The following SPATA6 variants were observed in gnomAD, a reference collection of about 807,000 sequenced individuals.
The protein encoded by SPATA6 is spermatogenesis-associated protein 6.
In SPATA6, 56 loss-of-function variants were observed where a neutral mutation model predicts 65.3. The ratio of observed to expected loss-of-function variants is 0.86; its 90% CI spans 0.69 to 1.07. The LOEUF (loss-of-function observed/expected upper bound fraction) is 1.07. SPATA6 is among the 50% of genes least tolerant of loss of function. The pLI is 0.00. For missense variants in SPATA6, 590 were observed against 594.8 expected (o/e 0.99, Z 0.08); for synonymous variants, 199 against 213.2 (o/e 0.93, Z 0.58).
intron 11 of SPATA6, chr1:48,325,351 A>C: frequency 3.0e-6 from 4 of 1,348,554 alleles, no homozygotes; most frequent in Non-Finnish European, 4.2e-6. Context: ...CCTCCCCTGA[A>C]GGCAAAGTTC....
chr1:48,364,562 G>A (rs148594315), intron 9 of SPATA6, among the ~76,000 whole-genome samples: 8,728 of 152,254 alleles, frequency 0.057, 367 homozygotes, highest in African/African-American at 0.11. Context: ...GGGATGATGA[G>A]CATTTTTTCA....
At chr1:48,277,516 C>T in the SPATA6 span, among the ~76,000 whole-genome samples, 1 of 152,340 alleles carries the variant, frequency 6.6e-6, no homozygotes, top group African/African-American at 2.4e-5. Context: ...AACGGTGCAC[C>T]AGGAGATTAT....
chr1:48,465,248 C>T (rs1472176339), intron 1 of SPATA6, among the ~76,000 whole-genome samples: 1 of 152,104 alleles, frequency 6.6e-6, no homozygotes, highest in Non-Finnish European at 1.5e-5. Context: ...TGCCTGGAAC[C>T]ATCAAAAACT....
chr1:48,305,733 AAC>A (rs1420125449), intron 12 of SPATA6, 52 bp downstream of exon 12: 33 of 1,344,974 alleles, frequency 2.5e-5, no homozygotes, highest in Middle Eastern at 1.9e-4. Context: ...CATATTATAA[AAC>A]AGTTATTTTT....
intron 5 of SPATA6, among the ~76,000 whole-genome samples, chr1:48,407,964 GATT>G (rs1196419442): frequency 6.6e-6 from 1 of 152,134 alleles, no homozygotes; most frequent in African/African-American, 2.4e-5. Flanking sequence ...TTTAAAATGT[GATT>G]ATTTGTTCAT....
intron 3 of SPATA6, chr1:48,437,142 A>G: frequency 1.9e-6 from 3 of 1,602,196 alleles, no homozygotes; most frequent in Non-Finnish European, 2.6e-6. Flanking sequence ...ACAAGCCATC[A>G]ATACCATTGC....
chr1:48,424,689 G>A lies in SPATA6; in HGVS notation c.239-11538C>T, dbSNP rs578124585. 3.9e-5 allele frequency among the ~76,000 whole-genome samples: 6 copies of A among 152,198 alleles called. No homozygotes were observed. The East Asian group carries it at 9.7e-4, about 24-fold the overall frequency. On this transcript the variant is annotated intron_variant, in intron 3 of 12. Transcript: ENST00000371847. The stretch of plus-strand genomic sequence containing the variant: ...TTTGGATAAAAGCCATTTTAACTAC[G>A]GTGAGACAATAATCACATTGTAGTT...
intron 9 of SPATA6, among the ~76,000 whole-genome samples, chr1:48,363,377 TAG>T (rs1319108701): frequency 6.6e-6 from 1 of 152,150 alleles, no homozygotes; most frequent in African/African-American, 2.4e-5. Flanking sequence ...AATACTGGCT[TAG>T]AGTCCAAAAA....
Position 48,343,168 on chromosome 1 carries a change from G to A in SPATA6, c.1194+12502C>T, listed in dbSNP as rs927517398. On this transcript the variant is annotated intron_variant, in intron 11 of 12. Transcript: ENST00000371847. ...TTGTGTGATGAAATGTACAAGATGA[G>A]TCTGGGACTCATCTATGTGGCCTAC... Among the ~76,000 whole-genome samples, 8 of 152,150 alleles carry A rather than the reference G, an allele frequency of 5.3e-5. 1 individual carries two copies. Among genetic ancestry groups the A allele is most frequent in the East Asian group, 1.9e-4 (1 of 5,198 alleles).
At chr1:48,376,111 C>G (rs539133014) in intron 9 of SPATA6, among the ~76,000 whole-genome samples, 3 of 152,278 alleles carry the variant, frequency 2.0e-5, no homozygotes, top group Non-Finnish European at 2.9e-5. Flanking sequence ...TATTCCTTAT[C>G]TCCTGTGTTA....
chr1:48,397,970 TCA>T (rs1650764005), intron 7 of SPATA6, among the ~76,000 whole-genome samples: 1 of 151,626 alleles, frequency 6.6e-6, no homozygotes, highest in Non-Finnish European at 1.5e-5. Context: ...CTAAAATATT[TCA>T]GTTTATTTTT....
intron 3 of SPATA6, among the ~76,000 whole-genome samples, chr1:48,415,066 G>T (rs919569799): frequency 2.6e-5 from 4 of 151,888 alleles, no homozygotes; most frequent in African/African-American, 4.8e-5. Context: ...ATTTATTCAG[G>T]AATAGGGCAC....
Position 48,451,587 on chromosome 1 carries a change from G to A in SPATA6, c.203C>T (p.Ala68Val), listed in dbSNP as rs1656573373. 6.2e-7 allele frequency: 1 copy of A among 1,612,546 alleles called. No homozygotes were observed. The highest frequency in any genetic ancestry group is 8.5e-7 in the Non-Finnish European group (1 of 1,179,350). ...RMVFEKVFPD[A>V]VDPGDVVTQL... The stretch of plus-strand genomic sequence containing the variant: ...TGTAACCACATCTCCAGGATCTACT[G>A]CGTCCGGGAACACCTATAGTGAGAC... Residue 68 changes from alanine (A) to valine (V), a missense_variant, in exon 3 of 13, where the codon GCA becomes GTA. Physicochemically the swap from Ala to Val is moderately conservative, Grantham distance 64. Transcript: ENST00000371847.
At chr1:48,419,587 T>C (rs900416296) in intron 3 of SPATA6, among the ~76,000 whole-genome samples, 1 of 152,104 alleles carries the variant, frequency 6.6e-6, no homozygotes, top group Non-Finnish European at 1.5e-5. Flanking sequence ...GTAAACAGAA[T>C]AACTTTAAAC....
the SPATA6 span, among the ~76,000 whole-genome samples, chr1:48,276,017 T>C: frequency 3.3e-5 from 5 of 152,198 alleles, no homozygotes; most frequent in African/African-American, 1.2e-4. Context: ...TCAGAACTTA[T>C]TATTGGTCTA....
chr1:48,293,683 T>C (rs984011252), downstream of SPATA6, among the ~76,000 whole-genome samples: 1 of 152,238 alleles, frequency 6.6e-6, no homozygotes, highest in Non-Finnish European at 1.5e-5. Flanking sequence ...TGTTCTGTGT[T>C]AGCTTATTTC....
the SPATA6 span, among the ~76,000 whole-genome samples, chr1:48,273,294 T>A: frequency 6.6e-6 from 1 of 152,166 alleles, no homozygotes. Context: ...TATGGTATAA[T>A]GGTCCAATTT....
At chr1:48,330,633 A>G (rs557214680) in intron 11 of SPATA6, among the ~76,000 whole-genome samples, 2 of 152,350 alleles carry the variant, frequency 1.3e-5, no homozygotes, top group South Asian at 2.1e-4. Flanking sequence ...TAGGCTTTCC[A>G]GCCAAGTGGC....
chr1:48,423,926 G>A (rs1653597552), intron 3 of SPATA6, among the ~76,000 whole-genome samples: 1 of 152,130 alleles, frequency 6.6e-6, no homozygotes, highest in Admixed American at 6.5e-5. Context: ...TTTTAATACA[G>A]ACAGCAATGT....
Sources: gnomAD v4.1 joint callset for allele counts (sites outside exome capture counted in the v4.1 genomes callset) on GRCh38, gnomAD v4.1.1 for gene constraint, MANE v1.5 for transcripts, NCBI Gene and HGNC (gene_info 2026-07-23, HGNC 2026-07-21) for gene names.